HPSE2: variants seen among roughly 807,000 people sequenced by gnomAD.
HPSE2 encodes inactive heparanase-2.
HPSE2 carries 38 observed loss-of-function variants against 60.5 expected under a neutral mutation model. That is an observed-to-expected ratio of 0.63 (90% CI 0.48 to 0.82). HPSE2 has a LOEUF of 0.82. Ranked by LOEUF, HPSE2 falls within the 40% of genes least tolerant of loss-of-function variation. HPSE2 has a pLI of 0.00. For synonymous variants in HPSE2, 295 were observed against 293.2 expected, an observed-to-expected ratio of 1.01 and a Z score of -0.06; for missense variants, 713 against 740.4, an observed-to-expected ratio of 0.96 and a Z score of 0.43.
chr10:98,804,400 C>T (rs773643957), intron 3 of HPSE2, among the ~76,000 whole-genome samples: 1 of 151,852 alleles, frequency 6.6e-6, no homozygotes, highest in Non-Finnish European at 1.5e-5. Flanking sequence ...GAATTAATAA[C>T]CAAACTATAT....
At chr10:99,034,339 G>A (rs1284631115) in intron 3 of HPSE2, among the ~76,000 whole-genome samples, 2 of 152,240 alleles carry the variant, frequency 1.3e-5, no homozygotes, top group East Asian at 3.9e-4. Flanking sequence ...TGGCTGCCAT[G>A]GGTTGGAGTG....
intron 2 of HPSE2, among the ~76,000 whole-genome samples, chr10:99,212,073 A>G (rs1848970423): frequency 6.6e-6 from 1 of 152,224 alleles, no homozygotes; most frequent in Non-Finnish European, 1.5e-5. Flanking sequence ...AAGTATATGG[A>G]AAAATGTTCA....
chr10:98,840,801 A>G (rs888424014), intron 3 of HPSE2, among the ~76,000 whole-genome samples: 2 of 152,260 alleles, frequency 1.3e-5, no homozygotes, highest in African/African-American at 4.8e-5. Flanking sequence ...AACTAAAAAA[A>G]TAAAAGCAAG....
upstream of HPSE2, among the ~76,000 whole-genome samples, chr10:99,236,665 T>G (rs1210106706): frequency 6.6e-6 from 1 of 152,122 alleles, no homozygotes; most frequent in East Asian, 1.9e-4. Context: ...CATAGTGACC[T>G]GGTCAAGCAG....
Position 98,559,184 on chromosome 10 carries a change from C to T in HPSE2, c.1320+55720G>A, listed in dbSNP as rs181592429. On this transcript the variant is annotated intron_variant, in intron 9 of 11. Coordinates refer to ENST00000370552, the MANE Select transcript of HPSE2 (RefSeq NM_021828.5). ...CTGGGATTACAGGCAGCTGCCACCA[C>T]GCCTGGCTAATTTTTGTATTTTTAG... 2.7e-3 allele frequency among the ~76,000 whole-genome samples: 414 copies of T among 152,264 alleles called. 7 individuals carry two copies. Among genetic ancestry groups the T allele is most frequent in the Non-Finnish European group, 5.1e-4 (35 of 68,026 alleles).
At chr10:98,907,784 T>C (rs1306496014) in intron 3 of HPSE2, among the ~76,000 whole-genome samples, 1 of 152,066 alleles carries the variant, frequency 6.6e-6, no homozygotes, top group Non-Finnish European at 1.5e-5. Context: ...CCAGGGTTGC[T>C]AGGATAATTA....
chr10:98,963,198 G>A (rs754109016), intron 3 of HPSE2, among the ~76,000 whole-genome samples: 24 of 151,968 alleles, frequency 1.6e-4, no homozygotes, highest in Admixed American at 9.2e-4. Flanking sequence ...AAGTCCTTTG[G>A]AGTATGCAGA....
chr10:98,534,570 A>G (rs1233892281), intron 9 of HPSE2, among the ~76,000 whole-genome samples: 4 of 151,950 alleles, frequency 2.6e-5, no homozygotes, highest in African/African-American at 7.3e-5. Flanking sequence ...ACACCCGACT[A>G]ATTTTTGTAT....
chr10:99,103,368 G>T (rs1844096399), intron 3 of HPSE2, among the ~76,000 whole-genome samples: 1 of 151,902 alleles, frequency 6.6e-6, no homozygotes, highest in Admixed American at 6.6e-5. Context: ...CATCATCAGT[G>T]AACTCCCATT....
At chr10:98,610,916 A>C (rs2072944280) in intron 9 of HPSE2, among the ~76,000 whole-genome samples, 1 of 152,244 alleles carries the variant, frequency 6.6e-6, no homozygotes, top group Non-Finnish European at 1.5e-5. Flanking sequence ...TCTTAAAAAA[A>C]GCAGCAAGCT....
intron 3 of HPSE2, among the ~76,000 whole-genome samples, chr10:98,862,650 G>T (rs1289076947): frequency 6.6e-6 from 1 of 152,164 alleles, no homozygotes. Context: ...AAGCTTTTGG[G>T]ATAAAACATC....
At chr10:98,644,253 G>A (rs1054727290) in intron 6 of HPSE2, among the ~76,000 whole-genome samples, 1 of 152,138 alleles carries the variant, frequency 6.6e-6, no homozygotes, top group Non-Finnish European at 1.5e-5. Flanking sequence ...AAAAATGCTG[G>A]GCACGGGACC....
intron 3 of HPSE2, among the ~76,000 whole-genome samples, chr10:98,943,279 A>G (rs1955075541): frequency 6.6e-6 from 1 of 151,840 alleles, no homozygotes; most frequent in Admixed American, 6.6e-5. Flanking sequence ...AATAAAAATA[A>G]AAATAATTAT....
intron 3 of HPSE2, among the ~76,000 whole-genome samples, chr10:99,073,939 GT>G (rs34409713): frequency 0.021 from 2,692 of 127,868 alleles, 40 homozygotes; most frequent in African/African-American, 0.065. Flanking sequence ...AGTTCCAAAA[GT>G]TTTTTTTTTT....
chr10:98,973,683 C>T (rs1054867480), intron 3 of HPSE2, among the ~76,000 whole-genome samples: 14 of 152,218 alleles, frequency 9.2e-5, no homozygotes, highest in African/African-American at 2.6e-4. Flanking sequence ...GTTTACCCTA[C>T]CAAATGTGAT....
intron 7 of HPSE2, among the ~76,000 whole-genome samples, chr10:98,630,993 A>G (rs1323979361): frequency 6.6e-6 from 1 of 152,194 alleles, no homozygotes; most frequent in African/African-American, 2.4e-5. Context: ...AAGCTGGGCT[A>G]TTCTGAGCTC....
chr10:99,308,767 A>G, the HPSE2 span, among the ~76,000 whole-genome samples: 1 of 41,074 alleles, frequency 2.4e-5, no homozygotes, highest in African/African-American at 1.6e-4. Context: ...TGAAAATGTC[A>G]AATCCTAGAA....
Position 99,148,904 on chromosome 10 carries a change from T to C in HPSE2, c.449-4505A>G, listed in dbSNP as rs2135791535. 1.3e-5 allele frequency among the ~76,000 whole-genome samples: 2 copies of C among 152,198 alleles called. 1 individual carries two copies. Among genetic ancestry groups the C allele is most frequent in the East Asian group, 3.9e-4 (2 of 5,168 alleles). On this transcript the variant is annotated intron_variant, in intron 2 of 11. Coordinates refer to ENST00000370552, the MANE Select transcript of HPSE2 (RefSeq NM_021828.5). Reference sequence around the variant, plus strand: ...GAGGCAGGTGAGGAATGGAAGACTATACACTGTTGGAACAGTGTATACTGC... The same window carrying C: ...GAGGCAGGTGAGGAATGGAAGACTACACACTGTTGGAACAGTGTATACTGC...
chr10:99,148,022 T>C (rs1846119691), intron 2 of HPSE2, among the ~76,000 whole-genome samples: 1 of 152,240 alleles, frequency 6.6e-6, no homozygotes, highest in Admixed American at 6.5e-5. Flanking sequence ...TACTAAGATT[T>C]GTAGGCTTTA....
Sources: gnomAD v4.1 joint callset for allele counts (sites outside exome capture counted in the v4.1 genomes callset) on GRCh38, gnomAD v4.1.1 for gene constraint, MANE v1.5 for transcripts, NCBI Gene and HGNC (gene_info 2026-07-23, HGNC 2026-07-21) for gene names.